The following SUV39H2 variants were observed in gnomAD, a reference collection of about 807,000 sequenced individuals.
SUV39H2 encodes the protein histone-lysine N-methyltransferase SUV39H2.
SUV39H2 carries 10 observed loss-of-function variants against 47.5 expected under a neutral mutation model. That is an observed-to-expected ratio of 0.21 (90% confidence interval 0.13 to 0.36). SUV39H2 has a LOEUF of 0.36. SUV39H2 is among the 10% of genes least tolerant of loss of function. SUV39H2 has a pLI of 1.00. For missense variants in SUV39H2, 266 were observed against 487.4 expected (o/e 0.55, Z 4.28); for synonymous variants, 159 against 166.8 (o/e 0.95, Z 0.36).
intron 3 of SUV39H2, 181 bp downstream of exon 3, chr10:14,897,698 T>A: frequency 2.2e-6 from 1 of 448,546 alleles, no homozygotes; most frequent in Non-Finnish European, 3.6e-6. Context: ...AAAAAACTTT[T>A]ATATGAATAA....
chr10:14,899,846 C>T (rs1833872361), intron 4 of SUV39H2, among the ~76,000 whole-genome samples, 161 bp downstream of exon 4: 1 of 152,108 alleles, frequency 6.6e-6, no homozygotes, highest in Admixed American at 6.5e-5. Flanking sequence ...GGTATTATTG[C>T]TGTATTAGGA....
At chr10:14,899,959 G>A (rs917697639) in intron 4 of SUV39H2, among the ~76,000 whole-genome samples, 5 of 152,026 alleles carry the variant, frequency 3.3e-5, no homozygotes, top group Non-Finnish European at 1.5e-5. Context: ...TTGTACGGTA[G>A]GTATTACTTT....
intron 1 of SUV39H2, chr10:14,879,809 G>A (rs1832989539): frequency 1.3e-5 from 2 of 152,156 alleles, no homozygotes; most frequent in Admixed American, 1.3e-4. Context: ...GGTGTTTGTG[G>A]TGGTCATGAA....
At chr10:14,897,745 T>G (rs1391798947) in intron 3 of SUV39H2, 3 of 315,998 alleles carry the variant, frequency 9.5e-6, no homozygotes, top group African/African-American at 2.1e-5. Flanking sequence ...TAGTCATCTT[T>G]CAACAAATAC....
At position 14,903,418 on chromosome 10, in the gene SUV39H2, T is replaced by C. The variant is rs1314206910; in HGVS notation, c.*906T>C. 6.6e-6 allele frequency: 1 copy of C among 152,214 alleles called. No individual in the cohort carries two copies. The highest frequency in any genetic ancestry group is 1.5e-5 in the Non-Finnish European group (1 of 68,030). The allele number at this position is 152,214 out of a possible 1,614,324, so 9.4% of individuals were successfully genotyped here. A position where few individuals can be genotyped will look rare whatever the true frequency, so the allele number is the denominator to read the frequency against. On this transcript the variant is annotated 3_prime_UTR_variant, in exon 6 of 6. Coordinates refer to ENST00000354919, the MANE Select transcript of SUV39H2 (RefSeq NM_001193424.2). ...AGCTGTACCTAACAATACTGTAATG[T>C]ACATTAACATTACAGCCTCTCAATT...
At chr10:14,879,108 G>C (rs1386949015) in intron 1 of SUV39H2, 189 bp downstream of exon 1, 16 of 1,269,516 alleles carry the variant, frequency 1.3e-5, no homozygotes, top group South Asian at 5.5e-5. Flanking sequence ...CTCCCTGCCC[G>C]GCCGGCTCCC....
intron 5 of SUV39H2, 53 bp downstream of exon 5, chr10:14,901,315 A>T: frequency 6.2e-7 from 1 of 1,607,822 alleles, no homozygotes; most frequent in Non-Finnish European, 8.5e-7. Context: ...TGAAGAATCA[A>T]ATCAGACTAG....
chr10:14,899,448 A>T, intron 3 of SUV39H2, 91 bp from the exon 4 acceptor site: 2 of 1,361,836 alleles, frequency 1.5e-6, no homozygotes, highest in East Asian at 4.6e-5. Flanking sequence ...CTTTTTAAAT[A>T]TTTGTAGGTA....
chr10:14,898,075 A>G (rs2131706099), intron 3 of SUV39H2: 1 of 149,890 alleles, frequency 6.7e-6, no homozygotes, highest in Admixed American at 6.6e-5. Context: ...TTATTTGTAT[A>G]CAAATCATAT....
At chr10:14,889,156 G>C (rs1833307375) in intron 2 of SUV39H2, among the ~76,000 whole-genome samples, 1 of 152,100 alleles carries the variant, frequency 6.6e-6, no homozygotes, top group Non-Finnish European at 1.5e-5. Flanking sequence ...AAGTAGTATG[G>C]ACAATTCTTC....
intron 3 of SUV39H2, 53 bp downstream of exon 3, chr10:14,897,570 T>C: frequency 7.1e-7 from 1 of 1,405,106 alleles, no homozygotes; most frequent in East Asian, 2.4e-5. Context: ...TTTATACTTT[T>C]GGAAAATTAC....
chr10:14,896,901 G>C lies in SUV39H2; in HGVS notation c.233G>C (p.Trp78Ser). The change falls in exon 3 of 6, where the codon TGG becomes TCG. Residue 78 changes from tryptophan (W) to serine (S), a missense_variant. This residue lies in a region of SUV39H2 where 32 missense variants were observed against 77.2 expected (regional missense o/e 0.41). Coordinates refer to ENST00000354919, the MANE Select transcript of SUV39H2 (RefSeq NM_001193424.2). ...GGATGGCCAGATTCTACAAATACTT[G>C]GGAACCTTTGCAAAATCTGAAGTGC... ...WKGWPDSTNTWEPLQNLKCPL... is the reference protein window; with the variant it reads ...WKGWPDSTNTSEPLQNLKCPL... 1 of 1,611,784 alleles carries C rather than the reference G, an allele frequency of 6.2e-7. No homozygotes were observed. The highest frequency in any genetic ancestry group is 8.5e-7 in the Non-Finnish European group (1 of 1,178,534).
intron 2 of SUV39H2, among the ~76,000 whole-genome samples, chr10:14,884,365 T>C (rs1462690651): frequency 6.6e-6 from 1 of 152,250 alleles, no homozygotes; most frequent in African/African-American, 2.4e-5. Flanking sequence ...ATAGTTTTCC[T>C]AGTAGGTTTG....
chr10:14,883,476 G>A (rs1046447952), intron 2 of SUV39H2, among the ~76,000 whole-genome samples: 9 of 151,648 alleles, frequency 5.9e-5, no homozygotes, highest in Admixed American at 3.9e-4. Context: ...GGGCCAAGGC[G>A]GGCAGATCAC....
At chr10:14,901,628 C>G (rs1414376502) in intron 5 of SUV39H2, among the ~76,000 whole-genome samples, 2 of 150,738 alleles carry the variant, frequency 1.3e-5, no homozygotes, top group Non-Finnish European at 2.9e-5. Flanking sequence ...CCCAGGAATT[C>G]AAGACCAGCC....
intron 1 of SUV39H2, chr10:14,879,183 G>C: frequency 9.0e-7 from 1 of 1,116,968 alleles, no homozygotes. Flanking sequence ...CTCTCCGCCC[G>C]CTCGGCCCGG....
At chr10:14,881,458 A>G (rs779834735) in intron 1 of SUV39H2, 42 bp from the exon 2 acceptor site, 1 of 1,373,944 alleles carries the variant, frequency 7.3e-7, no homozygotes, top group South Asian at 2.0e-5. Context: ...TTTTAATTGA[A>G]TAGCTATTTC....
At chr10:14,884,981 A>G (rs1171115287) in intron 2 of SUV39H2, among the ~76,000 whole-genome samples, 1 of 152,162 alleles carries the variant, frequency 6.6e-6, no homozygotes, top group Non-Finnish European at 1.5e-5. Context: ...GCTTACTGTG[A>G]TTATTCTTAC....
rs58522342 is a variant in SUV39H2, at chr10:14,883,704, C to CAAAAA, written c.177+2083_177+2087dup. Among the ~76,000 whole-genome samples the CAAAAA allele has an allele frequency of 6.0e-4, 30 of 50,050 alleles. 2 individuals carry two copies. The highest frequency in any genetic ancestry group is 1.3e-3 in the African/African-American group (27 of 21,232). The allele number at this position is 50,050 out of a possible 152,430, so 32.8% of individuals were successfully genotyped here. On this transcript the variant is annotated intron_variant, in intron 2 of 5. Coordinates refer to ENST00000354919, the MANE Select transcript of SUV39H2 (RefSeq NM_001193424.2). ...TGGGCAACAGAGCGAGACTCAGTCT[C>CAAAAA]AAAAAAAAAAAAAAAAAAAAAAAAA...
Sources: allele counts gnomAD v4.1 joint callset (sites outside exome capture counted in the v4.1 genomes callset), GRCh38; gene constraint gnomAD v4.1.1; regional missense constraint gnomAD v4.1.1; transcripts MANE v1.5; gene names NCBI Gene and HGNC (gene_info 2026-07-23, HGNC 2026-07-21).